CDX2: variants seen among roughly 807,000 people sequenced by gnomAD.
CDX2 encodes the protein caudal type homeobox 2, also known as homeobox protein CDX-2.
CDX2 carries 7 observed loss-of-function variants against 25.5 expected under a neutral mutation model. The ratio of observed to expected loss-of-function variants is 0.27; its 90% CI spans 0.16 to 0.52. The LOEUF (loss-of-function observed/expected upper bound fraction) is 0.52. Ranked by LOEUF, CDX2 falls within the 20% of genes least tolerant of loss-of-function variation. CDX2 has a pLI of 0.97. For missense variants in CDX2, 375 were observed against 431.4 expected (o/e 0.87, Z 1.16); for synonymous variants, 222 against 198.6 (o/e 1.12, Z -0.99).
At position 27,969,134 on chromosome 13, in the gene CDX2, G is replaced by C. The variant is rs546531400; in HGVS notation, c.-128C>G. On this transcript the variant is annotated 5_prime_UTR_variant, in exon 1 of 3. Transcript: ENST00000381020. ...GGCGGGTGGCTGCGCCCCAGCCCGC[G>C]GTGCTCCGCTGGCTCCTCGCGGCTC... is the stretch of plus-strand genomic sequence containing the variant. 51 of 654,908 alleles carry C rather than the reference G, an allele frequency of 7.8e-5. No individual in the cohort carries two copies. In the African/African-American group the frequency reaches 9.4e-4, roughly 12 times the overall value. The allele number at this position is 654,908 out of a possible 1,614,324, so 40.6% of individuals were successfully genotyped here. A position where few individuals can be genotyped will look rare whatever the true frequency, so the allele number is the denominator to read the frequency against.
intron 1 of CDX2, among the ~76,000 whole-genome samples, chr13:27,967,709 T>TA (rs2137543125): frequency 6.6e-6 from 1 of 152,206 alleles, no homozygotes; most frequent in South Asian, 2.1e-4. Context: ...AGCGGCGGCT[T>TA]AATTCCCACC....
Position 27,963,141 on chromosome 13 carries a change from C to A in CDX2, c.916G>T (p.Val306Leu), listed in dbSNP as rs142861632. 9.3e-6 allele frequency: 15 copies of A among 1,604,910 alleles called. No homozygotes were observed. The Admixed American group carries it at 1.3e-4, about 14-fold the overall frequency. ...CACTGGGTGACGGTGGGGTTTAGCA[C>A]CCCCCCAGTTGGCCCCAGAACCCCA... ...VPGVLGPTGG[V>L]LNPTVTQ The change falls in exon 3 of 3, where the codon GTG (valine) becomes TTG (leucine). Residue 306 changes from valine (V) to leucine (L), a missense_variant. Physicochemically the swap from Val to Leu is conservative, Grantham distance 32 (BLOSUM62 1). Around this residue, in one of 3 missense-constraint regions of CDX2, gnomAD observed 58 missense variants for 59.4 expected, o/e 0.98. Coordinates refer to ENST00000381020, the MANE Select transcript of CDX2 (RefSeq NM_001265.6).
Position 27,968,470 on chromosome 13 carries a change from G to T in CDX2, c.537C>A (p.Ser179Arg). The change falls in exon 1 of 3, where the codon AGC (serine) becomes AGA (arginine). Residue 179 changes from serine to arginine, a missense_variant. Ser to Arg is a moderately radical substitution (Grantham distance 110). This residue lies in a region of CDX2 where 64 missense variants were observed against 124.6 expected (regional missense o/e 0.51). Coordinates refer to ENST00000381020, the MANE Select transcript of CDX2 (RefSeq NM_001265.6). ...MRKPAQQSLG[S>R]QVKTRTKDKY... ...AGGGGCGCAGCCTCTGCTTACCTTG[G>T]CTGCCGAGGGACTGCTGCGCCGGCT... 1 of 1,547,056 alleles carries T rather than the reference G, an allele frequency of 6.5e-7. No individual in the cohort carries two copies. The highest frequency in any genetic ancestry group is 8.6e-7 in the Non-Finnish European group (1 of 1,159,838).
At position 27,968,383 on chromosome 13, in the gene CDX2, C is replaced by A. The variant is rs889165946; in HGVS notation, c.541+83G>T. 7 of 1,364,914 alleles carry A rather than the reference C, an allele frequency of 5.1e-6. No homozygotes were observed. The African/African-American group carries it at 9.2e-5, about 18-fold the overall frequency. The allele number at this position is 1,364,914 out of a possible 1,614,324, so 84.6% of individuals were successfully genotyped here. On this transcript the variant is annotated intron_variant, in intron 1 of 2. Transcript: ENST00000381020. Reference sequence around the variant, plus strand: ...AGACAGCCCGGGACGCCCCTGTGCGCACTGGACGCGCGACGCGCAGCAGCC... The same window carrying A: ...AGACAGCCCGGGACGCCCCTGTGCGAACTGGACGCGCGACGCGCAGCAGCC...
At position 27,964,905 on chromosome 13, in the gene CDX2, C is replaced by T; in HGVS notation, c.652G>A (p.Glu218Lys). 6.2e-7 allele frequency: 1 copy of T among 1,614,068 alleles called. No homozygotes were observed. Residue 218 changes from glutamate (E) to lysine (K), a missense_variant, in exon 2 of 3, where the codon GAG (glutamate) becomes AAG (lysine). This residue lies in a region of CDX2 where 64 missense variants were observed against 124.6 expected (regional missense o/e 0.51). Coordinates refer to ENST00000381020, the MANE Select transcript of CDX2 (RefSeq NM_001265.6). This position sits in a 1 kb window ranked among gnomAD's most constrained non-coding sequence, Gnocchi z 4.7. ...GAGAGCCCCAGCGTGGCGGCTAGCT[C>T]GGCTTTCCTCCGGATGGTGATGTAG... The part of the protein sequence containing the change: ...SRYITIRRKA[E>K]LAATLGLSER...
At position 27,968,509 on chromosome 13, in the gene CDX2, G is replaced by A. The variant is rs756588720; in HGVS notation, c.498C>T (p.Cys166=). 2.6e-6 allele frequency: 4 copies of A among 1,564,378 alleles called. No individual in the cohort carries two copies. In the East Asian group the frequency reaches 9.9e-5, roughly 39 times the overall value. The part of the protein sequence containing the change: ...LSPGGQRRNL[C]EWMRKPAQQS... ...GCTGCGCCGGCTTCCGCATCCACTC[G>A]CACAGGTTCCGCCGCTGGCCGCCGG... The change falls in exon 1 of 3, where the codon TGC becomes TGT. Residue 166 remains cysteine, a synonymous_variant. Coordinates refer to ENST00000381020, the MANE Select transcript of CDX2 (RefSeq NM_001265.6).
chr13:27,966,091 C>T (rs1398599802), intron 1 of CDX2, among the ~76,000 whole-genome samples: 8 of 152,226 alleles, frequency 5.3e-5, no homozygotes, highest in Non-Finnish European at 7.3e-5. Context: ...AGAGGGAGCT[C>T]CCCCGAGCCG....
At position 27,968,639 on chromosome 13, in the gene CDX2, G is replaced by A. The variant is rs758562806; in HGVS notation, c.368C>T (p.Pro123Leu). ...GGAAGGCGCGGCGGCCGGGTGGTGC[G>A]GGTGGTGATGCGGGTGGTGGTGCGG... is the stretch of plus-strand genomic sequence containing the variant. ...YHPHHHPHHH[P>L]HHPAAAPSCA... The change falls in exon 1 of 3, where the codon CCG becomes CTG. Residue 123 changes from proline to leucine, a missense_variant. Around this residue, in one of 3 missense-constraint regions of CDX2, gnomAD observed 253 missense variants for 247.5 expected, o/e 1.02. Transcript: ENST00000381020. 11 of 1,537,138 alleles carry A rather than the reference G, an allele frequency of 7.2e-6. No homozygotes were observed. The highest frequency in any genetic ancestry group is 2.8e-5 in the African/African-American group (2 of 71,512).
intron 1 of CDX2, among the ~76,000 whole-genome samples, chr13:27,965,617 G>A (rs1038617727): frequency 6.6e-6 from 1 of 152,186 alleles, no homozygotes; most frequent in African/African-American, 2.4e-5. Context: ...CTCCTGCTGG[G>A]GACACTTTAT....
At chr13:27,965,526 C>G (rs1033485275) in intron 1 of CDX2, among the ~76,000 whole-genome samples, 3 of 152,190 alleles carry the variant, frequency 2.0e-5, no homozygotes, top group Non-Finnish European at 2.9e-5. Flanking sequence ...GACAAGTCGC[C>G]AGAATCATCC....
At chr13:27,967,692 T>C (rs1869402087) in intron 1 of CDX2, among the ~76,000 whole-genome samples, 1 of 152,144 alleles carries the variant, frequency 6.6e-6, no homozygotes, top group Non-Finnish European at 1.5e-5. Flanking sequence ...AAATGACCCC[T>C]ACCTGGAGCG....
intron 1 of CDX2, among the ~76,000 whole-genome samples, chr13:27,968,053 A>G (rs1593185221): frequency 6.6e-6 from 1 of 152,200 alleles, no homozygotes; most frequent in Non-Finnish European, 1.5e-5. Context: ...GCCTAGACCT[A>G]GCCCAAGAAG....
At position 27,961,952 on chromosome 13, in the gene CDX2, G is replaced by T. The variant is rs1471579371; in HGVS notation, c.*1163C>A. ...TTCCAAGGCTGGGCTCAGGCTTGGG[G>T]GCAGGGAAGGTCTCAGAACCTGCTC... On this transcript the variant is annotated 3_prime_UTR_variant, in exon 3 of 3. Coordinates refer to ENST00000381020, the MANE Select transcript of CDX2 (RefSeq NM_001265.6). Among the ~76,000 whole-genome samples the T allele has an allele frequency of 6.6e-6, 1 of 152,136 alleles. No homozygotes were observed. The highest frequency in any genetic ancestry group is 2.1e-4 in the South Asian group (1 of 4,830).
At position 27,965,107 on chromosome 13, in the gene CDX2, C is replaced by T. The variant is rs569331214; in HGVS notation, c.542-92G>A. On this transcript the variant is annotated intron_variant, in intron 1 of 2. Transcript: ENST00000381020. Reference sequence around the variant, plus strand: ...ACCTCCCTAACCCAGGGACATTTCTCTTCCTCCACCACCCTGGGGGGCCCG... The same window carrying T: ...ACCTCCCTAACCCAGGGACATTTCTTTTCCTCCACCACCCTGGGGGGCCCG... 12 of 1,367,852 alleles carry T rather than the reference C, an allele frequency of 8.8e-6. No homozygotes were observed. In the East Asian group the frequency reaches 2.5e-4, roughly 28 times the overall value. 84.7% of individuals were successfully genotyped at this position (1,367,852 alleles called of 1,614,324 possible).
At position 27,968,977 on chromosome 13, in the gene CDX2, G is replaced by A. The variant is rs776242411; in HGVS notation, c.30C>T (p.Asp10=). 6.2e-7 allele frequency: 1 copy of A among 1,603,084 alleles called. No homozygotes were observed. Among genetic ancestry groups the A allele is most frequent in the Non-Finnish European group, 8.5e-7 (1 of 1,179,014 alleles). Residue 10 remains aspartate (D), a synonymous_variant, in exon 1 of 3, where the codon GAC becomes GAT. Coordinates refer to ENST00000381020, the MANE Select transcript of CDX2 (RefSeq NM_001265.6). MYVSYLLDK[D]VSMYPSSVRH... ...GCACGGAGCTAGGGTACATGCTCAC[G>A]TCCTTGTCCAGGAGGTAGCTCACGT... is the stretch of plus-strand genomic sequence containing the variant.
Position 27,961,011 on chromosome 13 carries a change from C to T in CDX2, c.*2104G>A, listed in dbSNP as rs1869017854. The stretch of plus-strand genomic sequence containing the variant: ...GGCGGGCCTGTGGGCGCGGCCGGGG[C>T]GCGGGGAGACCTGCGGGGCACCGGG... On this transcript the variant is annotated 3_prime_UTR_variant, in exon 3 of 3. Coordinates refer to ENST00000381020, the MANE Select transcript of CDX2 (RefSeq NM_001265.6). 6.6e-6 allele frequency among the ~76,000 whole-genome samples: 1 copy of T among 151,974 alleles called. No individual in the cohort carries two copies. Among genetic ancestry groups the T allele is most frequent in the South Asian group, 2.1e-4 (1 of 4,828 alleles).
In CDX2 at chr13:27,964,708, T is replaced by TAA. The variant is rs55820742; in HGVS notation, c.687+160_687+161dup. On this transcript the variant is annotated intron_variant, in intron 2 of 2. Transcript: ENST00000381020. This position sits in a 1 kb window ranked among gnomAD's most constrained non-coding sequence, Gnocchi z 4.7. ...CACAAAGCAAGACCCCATCTCTGTT[T>TAA]AAAAAAAAAAAAAAAAAAAAAAAGG... 7.1e-5 allele frequency among the ~76,000 whole-genome samples: 9 copies of TAA among 127,088 alleles called. No homozygotes were observed. The highest frequency in any genetic ancestry group is 2.0e-4 in the African/African-American group (7 of 35,434). The allele number at this position is 127,088 out of a possible 152,430, so 83.4% of individuals were successfully genotyped here. A position where few individuals can be genotyped will look rare whatever the true frequency, so the allele number is the denominator to read the frequency against.
chr13:27,968,485 C>T lies in CDX2; in HGVS notation c.522G>A (p.Gln174=). 6.4e-7 allele frequency: 1 copy of T among 1,559,358 alleles called. No individual in the cohort carries two copies. Among genetic ancestry groups the T allele is most frequent in the Non-Finnish European group, 8.6e-7 (1 of 1,164,794 alleles). ...NLCEWMRKPA[Q]QSLGSQVKTR... is the part of the protein sequence containing the mutation. ...GCTTACCTTGGCTGCCGAGGGACTG[C>T]TGCGCCGGCTTCCGCATCCACTCGC... is the stretch of plus-strand genomic sequence containing the variant. The change falls in exon 1 of 3, where the codon CAG becomes CAA. Residue 174 remains glutamine (Q), a synonymous_variant. Transcript: ENST00000381020.
chr13:27,968,809 C>G lies in CDX2; in HGVS notation c.198G>C (p.Pro66=), dbSNP rs777900243. ...CCCGGAGTGGGGCGCCATACGCTGC[C>G]GGCCAGGATGGCCCCGGGGACTGCG... ...DSAQSPGPSW[P]AAYGAPLRED... Residue 66 remains proline (P), a synonymous_variant, in exon 1 of 3, where the codon CCG becomes CCC. Transcript: ENST00000381020. 2.6e-6 allele frequency: 4 copies of G among 1,540,624 alleles called. No homozygotes were observed. The highest frequency in any genetic ancestry group is 2.4e-5 in the East Asian group (1 of 40,892).
Sources: allele counts gnomAD v4.1 joint callset (sites outside exome capture counted in the v4.1 genomes callset), GRCh38; gene constraint gnomAD v4.1.1; regional missense constraint gnomAD v4.1.1; non-coding constraint Gnocchi (gnomAD v3.1); transcripts MANE v1.5; gene names NCBI Gene and HGNC (gene_info 2026-07-23, HGNC 2026-07-21).